Variants in CCNE2 observed in about 807,000 individuals in gnomAD.
CCNE2 encodes the protein G1/S-specific cyclin-E2.
In CCNE2, 18 loss-of-function variants were observed where a neutral mutation model predicts 56.8. The ratio of observed to expected loss-of-function variants is 0.32; its 90% CI spans 0.22 to 0.47. The LOEUF (loss-of-function observed/expected upper bound fraction) is 0.47, where lower values mean the gene tolerates loss of function less well. CCNE2 is among the 20% of genes least tolerant of loss of function. CCNE2 has a pLI of 1.00. For synonymous variants in CCNE2, 139 were observed against 149.2 expected (o/e 0.93, Z 0.50); for missense variants, 371 against 467.1 (o/e 0.79, Z 1.90).
At chr8:94,883,401 A>G (rs1036783392) in intron 9 of CCNE2, among the ~76,000 whole-genome samples, 22 of 152,202 alleles carry the variant, frequency 1.4e-4, no homozygotes, top group African/African-American at 5.3e-4. Flanking sequence ...GATGGCCTCA[A>G]ATTGCCATAA....
intron 7 of CCNE2, 94 bp downstream of exon 7, chr8:94,887,833 T>A: frequency 1.3e-6 from 1 of 764,948 alleles, no homozygotes; most frequent in South Asian, 2.2e-5. Flanking sequence ...TTCTAAGGAG[T>A]TAATATAAAA....
chr8:94,892,706 A>T (rs938275053), intron 5 of CCNE2, 112 bp downstream of exon 5: 2 of 587,582 alleles, frequency 3.4e-6, no homozygotes, highest in East Asian at 6.8e-5. Context: ...AATATTAGTA[A>T]ACAATTTTTA....
chr8:94,885,225 C>G (rs1816991326), intron 8 of CCNE2, 24 bp from the exon 9 acceptor site: 1 of 1,608,354 alleles, frequency 6.2e-7, no homozygotes, highest in Middle Eastern at 1.7e-4. Context: ...TTTAAAAATG[C>G]CTGTTAATGA....
intron 10 of CCNE2, 34 bp from the exon 11 acceptor site, chr8:94,882,323 A>G (rs1489473311): frequency 1.3e-6 from 2 of 1,529,650 alleles, no homozygotes; most frequent in Admixed American, 2.0e-5. Context: ...AAAAGCATGA[A>G]GGTTGTACAT....
chr8:94,891,673 A>AGT, intron 5 of CCNE2: 1 of 535,502 alleles, frequency 1.9e-6, no homozygotes. Context: ...AAAAAAAAAA[A>AGT]AAAAAAACAC....
At position 94,881,574 on chromosome 8, in the gene CCNE2, G is replaced by GTGA. The variant is rs1253308497; in HGVS notation, c.*55_*57dup. On this transcript the variant is annotated 3_prime_UTR_variant, in exon 12 of 12. Transcript: ENST00000308108. ...CTTTCTGTAAAACTTTAGTAGTTCAGTGATACCAGTTCTACCCAATCTTGG... is the reference window on the plus strand; with the variant it reads ...CTTTCTGTAAAACTTTAGTAGTTCAGTGATGATACCAGTTCTACCCAATCTTGG... 6.4e-6 allele frequency: 10 copies of GTGA among 1,566,916 alleles called. No individual in the cohort carries two copies. The highest frequency in any genetic ancestry group is 1.4e-5 in the African/African-American group (1 of 73,126).
At chr8:94,888,628 G>A (rs183259459) in intron 6 of CCNE2, among the ~76,000 whole-genome samples, 4 of 151,934 alleles carry the variant, frequency 2.6e-5, no homozygotes, top group Admixed American at 6.6e-5. Context: ...AGGTTCAGGC[G>A]ATTCTCCTAC....
In CCNE2 at chr8:94,882,306, AAGTT is replaced by A. The variant is rs747709521; in HGVS notation, c.944-21_944-18del. ...ACTCCAAACCTAGATAGATAGAAAA[AAGTT>A]AGAAAAGCATGAAGGTTGTACATCA... On this transcript the variant is annotated intron_variant, in intron 10 of 11. Coordinates refer to ENST00000308108, the MANE Select transcript of CCNE2 (RefSeq NM_057749.3). The A allele has an allele frequency of 5.4e-5, 85 of 1,568,368 alleles. No individual in the cohort carries two copies. The East Asian group carries it at 1.9e-3, about 35-fold the overall frequency.
At position 94,881,630 on chromosome 8, in the gene CCNE2, C is replaced by CTT; in HGVS notation, c.1215_*1dup. ...TCCAACTTGTTTGCTTAGTTATCTT[C>CTT]TTTAGTGTTTTCCTGGTGGTTTTTC... On this transcript the variant is annotated 3_prime_UTR_variant, in exon 12 of 12. Transcript: ENST00000308108. The CTT allele has an allele frequency of 6.2e-7, 1 of 1,612,428 alleles. No homozygotes were observed. The highest frequency in any genetic ancestry group is 8.5e-7 in the Non-Finnish European group (1 of 1,179,482).
chr8:94,894,538 T>C, intron 1 of CCNE2: 1 of 381,168 alleles, frequency 2.6e-6, no homozygotes. Context: ...AACGGGTTTT[T>C]CTGGGTCCTC....
chr8:94,888,532 T>C (rs1344691861), intron 6 of CCNE2, among the ~76,000 whole-genome samples: 1 of 152,014 alleles, frequency 6.6e-6, no homozygotes, highest in Non-Finnish European at 1.5e-5. Flanking sequence ...AATAGAGATA[T>C]ATACCAGAGT....
chr8:94,892,739 G>T, intron 5 of CCNE2, 79 bp downstream of exon 5: 1 of 764,456 alleles, frequency 1.3e-6, no homozygotes, highest in Non-Finnish European at 2.0e-6. Flanking sequence ...CTTTATGAAA[G>T]CAAAAGACAA....
chr8:94,894,571 G>A, intron 1 of CCNE2: 2 of 268,596 alleles, frequency 7.4e-6, no homozygotes, highest in South Asian at 1.6e-4. Context: ...CGTACACCGG[G>A]AGTGGGGCTT....
At chr8:94,889,926 A>C (rs1291770417) in intron 6 of CCNE2, among the ~76,000 whole-genome samples, 2 of 152,218 alleles carry the variant, frequency 1.3e-5, no homozygotes, top group Non-Finnish European at 2.9e-5. Context: ...AGAAGAATAT[A>C]ATAAAGAGAA....
intron 6 of CCNE2, among the ~76,000 whole-genome samples, chr8:94,888,322 C>T (rs951889590): frequency 6.6e-6 from 1 of 152,182 alleles, no homozygotes; most frequent in Non-Finnish European, 1.5e-5. Context: ...TAAAAATTAT[C>T]AAAGGATACT....
chr8:94,895,462 G>A (rs531386993), upstream of CCNE2, among the ~76,000 whole-genome samples: 1 of 152,130 alleles, frequency 6.6e-6, no homozygotes, highest in African/African-American at 2.4e-5. Context: ...CTCCTTCTCC[G>A]CGGCTGTTCT....
upstream of CCNE2, chr8:94,896,658 C>T (rs867629700): frequency 6.6e-6 from 1 of 152,078 alleles, no homozygotes; most frequent in Non-Finnish European, 1.5e-5. Context: ...CGGGCCGCGC[C>T]GGGGAGACGG....
chr8:94,882,399 A>G, intron 10 of CCNE2, 110 bp from the exon 11 acceptor site: 1 of 829,884 alleles, frequency 1.2e-6, no homozygotes, highest in South Asian at 2.2e-5. Context: ...AAAGAAACCA[A>G]ATCATAACCA....
intron 6 of CCNE2, among the ~76,000 whole-genome samples, chr8:94,889,124 G>A (rs1392650945): frequency 6.6e-6 from 1 of 151,586 alleles, no homozygotes. Context: ...TTCTGGCCTG[G>A]GTGACAACAG....
Sources: allele counts gnomAD v4.1 joint callset (sites outside exome capture counted in the v4.1 genomes callset), GRCh38; gene constraint gnomAD v4.1.1; transcripts MANE v1.5; gene names NCBI Gene and HGNC (gene_info 2026-07-23, HGNC 2026-07-21).